Variants in ANKIB1 observed in about 807,000 individuals in gnomAD.
ANKIB1 encodes the protein ankyrin repeat and IBR domain containing 1.
Under a neutral mutation model 122.1 loss-of-function variants are expected in ANKIB1, and 43 were observed. The observed-to-expected ratio is 0.35, with a 90% CI of 0.28 to 0.45. The LOEUF is 0.45. Ranked by LOEUF, ANKIB1 falls within the 20% of genes least tolerant of loss-of-function variation. The probability of loss-of-function intolerance (pLI) is 1.00; values close to 1 mark genes in which losing one functional copy is unlikely to be tolerated. For missense variants in ANKIB1, 992 were observed against 1,329.5 expected, an observed-to-expected ratio of 0.75 and a Z score of 3.95; for synonymous variants, 390 against 442.0, an observed-to-expected ratio of 0.88 and a Z score of 1.48.
intron 15 of ANKIB1, among the ~76,000 whole-genome samples, chr7:92,390,453 C>G (rs1804761664): frequency 6.6e-6 from 1 of 152,014 alleles, no homozygotes; most frequent in Admixed American, 6.6e-5. Context: ...TGAAAACAAC[C>G]CACATTACCT....
At chr7:92,394,250 C>CT (rs1295989234) in intron 17 of ANKIB1, among the ~76,000 whole-genome samples, 1 of 152,156 alleles carries the variant, frequency 6.6e-6, no homozygotes, top group African/African-American at 2.4e-5. Flanking sequence ...AAAACAGCTC[C>CT]TTATAGCTTT....
intron 18 of ANKIB1, among the ~76,000 whole-genome samples, chr7:92,396,755 C>A (rs1257329295): frequency 2.0e-5 from 3 of 152,038 alleles, no homozygotes; most frequent in African/African-American, 4.8e-5. Context: ...TCTAAAGACA[C>A]AATAATAATA....
At chr7:92,249,460 C>A (rs1307760366) in intron 1 of ANKIB1, among the ~76,000 whole-genome samples, 2 of 152,174 alleles carry the variant, frequency 1.3e-5, no homozygotes, top group African/African-American at 2.4e-5. Flanking sequence ...GTGGCTCACG[C>A]CTGTAATCCC....
chr7:92,258,205 A>C (rs571094323), intron 1 of ANKIB1, among the ~76,000 whole-genome samples: 3 of 152,342 alleles, frequency 2.0e-5, no homozygotes, highest in African/African-American at 7.2e-5. Flanking sequence ...TCTTTTAACT[A>C]CCCAAAAACT....
intron 1 of ANKIB1, among the ~76,000 whole-genome samples, chr7:92,278,879 A>T (rs1379558251): frequency 3.3e-5 from 5 of 152,220 alleles, no homozygotes; most frequent in Middle Eastern, 3.2e-3. Flanking sequence ...AAGTAGACTC[A>T]GGTTTATCAG....
intron 1 of ANKIB1, among the ~76,000 whole-genome samples, chr7:92,261,784 T>G (rs1801570407): frequency 6.6e-6 from 1 of 152,220 alleles, no homozygotes. Flanking sequence ...AACTTGAATT[T>G]TATGTGCTTG....
intron 17 of ANKIB1, among the ~76,000 whole-genome samples, chr7:92,394,409 A>T (rs1456883464): frequency 6.6e-6 from 1 of 152,228 alleles, no homozygotes; most frequent in Non-Finnish European, 1.5e-5. Context: ...TATGAGAACA[A>T]TATATTTAAG....
intron 1 of ANKIB1, among the ~76,000 whole-genome samples, chr7:92,256,407 G>A (rs1193466288): frequency 1.3e-5 from 2 of 152,192 alleles, no homozygotes; most frequent in Non-Finnish European, 2.9e-5. Context: ...ACCTATTAAG[G>A]AGTTTATCTA....
intron 10 of ANKIB1, among the ~76,000 whole-genome samples, chr7:92,366,618 A>T (rs1804089943): frequency 6.6e-6 from 1 of 152,202 alleles, no homozygotes; most frequent in Non-Finnish European, 1.5e-5. Flanking sequence ...GTTTTCAAAC[A>T]TTCTTCCATC....
chr7:92,316,117 G>C lies in ANKIB1; in HGVS notation c.487-3213G>C, dbSNP rs531749708. The stretch of plus-strand genomic sequence containing the variant: ...TGATAATTTGGTTTCTTTTAAGGTA[G>C]AACATTTTATGTGCCACCAAGATAG... On this transcript the variant is annotated intron_variant, in intron 3 of 19. Transcript: ENST00000265742. Among the ~76,000 whole-genome samples, 6 of 152,176 alleles carry C rather than the reference G, an allele frequency of 3.9e-5. No homozygotes were observed. In the South Asian group the frequency reaches 1.2e-3, roughly 32 times the overall value.
intron 8 of ANKIB1, 102 bp from the exon 9 acceptor site, chr7:92,352,374 T>G: frequency 2.4e-6 from 3 of 1,241,766 alleles, no homozygotes; most frequent in Non-Finnish European, 3.3e-6. Context: ...TTCACTCTTT[T>G]TCTTTCTTTG....
intron 4 of ANKIB1, chr7:92,320,088 C>T (rs1466138916): frequency 6.6e-6 from 1 of 152,314 alleles, no homozygotes; most frequent in African/African-American, 2.4e-5. Flanking sequence ...TCCAGTCCTC[C>T]TGTTCATCAG....
chr7:92,341,928 G>A (rs1457150166), intron 5 of ANKIB1, among the ~76,000 whole-genome samples: 1 of 152,068 alleles, frequency 6.6e-6, no homozygotes, highest in Non-Finnish European at 1.5e-5. Context: ...AAGTCAAGGA[G>A]CATCTATATT....
intron 5 of ANKIB1, among the ~76,000 whole-genome samples, chr7:92,337,380 A>G (rs1803311524): frequency 6.6e-6 from 1 of 152,152 alleles, no homozygotes; most frequent in Non-Finnish European, 1.5e-5. Flanking sequence ...CTTACTATTT[A>G]AGAGCTCTCT....
Position 92,315,571 on chromosome 7 carries a change from C to CA in ANKIB1, c.487-3753dup, listed in dbSNP as rs1324101070. Among the ~76,000 whole-genome samples, 13 of 151,936 alleles carry CA rather than the reference C, an allele frequency of 8.6e-5. No individual in the cohort carries two copies. The South Asian group carries it at 2.7e-3, about 32-fold the overall frequency. Reference sequence around the variant, plus strand: ...AGAAGTAGTGCCTATGAGGGAAACACAAAAAATAGAGAAATAAAAGAACCA... The same window carrying CA: ...AGAAGTAGTGCCTATGAGGGAAACACAAAAAAATAGAGAAATAAAAGAACCA... On this transcript the variant is annotated intron_variant, in intron 3 of 19. Coordinates refer to ENST00000265742, the MANE Select transcript of ANKIB1 (RefSeq NM_019004.2).
chr7:92,246,347 A>G lies in ANKIB1; in HGVS notation c.-263A>G. The G allele has an allele frequency of 2.3e-6, 1 of 439,242 alleles. No homozygotes were observed. The highest frequency in any genetic ancestry group is 4.5e-6 in the Non-Finnish European group (1 of 221,840). 27.2% of individuals were successfully genotyped at this position (439,242 alleles called of 1,614,324 possible). ...GCCAGTGCGCACCCTCGGCCACATC[A>G]GCCTCCGCCTGGCGGGTGCACCCGG... On this transcript the variant is annotated 5_prime_UTR_variant, in exon 1 of 20. Transcript: ENST00000265742.
chr7:92,389,155 A>G (rs1335198268), intron 14 of ANKIB1, among the ~76,000 whole-genome samples: 2 of 152,268 alleles, frequency 1.3e-5, no homozygotes, highest in South Asian at 4.1e-4. Flanking sequence ...AAAAAGATAC[A>G]GCAATTGCAA....
chr7:92,320,773 A>C (rs1802891768), intron 4 of ANKIB1, among the ~76,000 whole-genome samples: 1 of 152,160 alleles, frequency 6.6e-6, no homozygotes, highest in South Asian at 2.1e-4. Flanking sequence ...TATCTTTAGA[A>C]TCCATATTGT....
At chr7:92,316,986 A>G (rs1802807501) in intron 3 of ANKIB1, among the ~76,000 whole-genome samples, 1 of 152,186 alleles carries the variant, frequency 6.6e-6, no homozygotes, top group Admixed American at 6.6e-5. Flanking sequence ...CATTTTAGAA[A>G]TAATTTTCTG....
Sources: gnomAD v4.1 joint callset for allele counts (sites outside exome capture counted in the v4.1 genomes callset) on GRCh38, gnomAD v4.1.1 for gene constraint, MANE v1.5 for transcripts, NCBI Gene and HGNC (gene_info 2026-07-23, HGNC 2026-07-21) for gene names.